ACSBG2: variants seen among roughly 807,000 people sequenced by gnomAD.
The protein encoded by ACSBG2 is acyl-CoA synthetase bubblegum family member 2.
ACSBG2 carries 62 observed loss-of-function variants against 74.7 expected under a neutral mutation model. The ratio of observed to expected loss-of-function variants is 0.83; its 90% CI spans 0.68 to 1.03. ACSBG2 has a LOEUF of 1.03. ACSBG2 is among the 50% of genes least tolerant of loss of function. The pLI, the probability that ACSBG2 is intolerant of heterozygous loss-of-function variation, is 0.00. For missense variants in ACSBG2, 730 were observed against 817.6 expected (o/e 0.89, Z 1.31); for synonymous variants, 309 against 294.1 (o/e 1.05, Z -0.52).
chr19:6,147,218 T>C (rs140285506), intron 2 of ACSBG2, among the ~76,000 whole-genome samples: 2 of 152,270 alleles, frequency 1.3e-5, no homozygotes, highest in African/African-American at 4.8e-5. Context: ...TAAGAAAGTA[T>C]TTGGTATACA....
intron 7 of ACSBG2, among the ~76,000 whole-genome samples, chr19:6,171,253 T>C (rs555179734): frequency 6.6e-6 from 1 of 152,292 alleles, no homozygotes; most frequent in South Asian, 2.1e-4. Context: ...ATGTGAGGTT[T>C]TGTTCCTGTC....
intron 11 of ACSBG2, among the ~76,000 whole-genome samples, chr19:6,186,069 T>TG (rs994619734): frequency 2.0e-5 from 3 of 151,994 alleles, no homozygotes; most frequent in African/African-American, 7.2e-5. Context: ...TTTTTTTTTT[T>TG]TTTAACTCAA....
chr19:6,148,878 G>A (rs547422205), intron 3 of ACSBG2, among the ~76,000 whole-genome samples: 17 of 152,176 alleles, frequency 1.1e-4, no homozygotes, highest in South Asian at 2.1e-4. Flanking sequence ...CAAGGTGGGC[G>A]GATCAAGGTC....
chr19:6,166,105 G>A, intron 7 of ACSBG2, 90 bp downstream of exon 7: 15 of 1,520,110 alleles, frequency 9.9e-6, no homozygotes, highest in Non-Finnish European at 1.3e-5. Flanking sequence ...CCAGGGTCTA[G>A]TACGCAGTGT....
chr19:6,139,654 TC>T (rs1386676610), intron 1 of ACSBG2, among the ~76,000 whole-genome samples: 1 of 152,182 alleles, frequency 6.6e-6, no homozygotes, highest in Non-Finnish European at 1.5e-5. Context: ...CGTACAATTT[TC>T]CTCCCTGAAA....
intron 7 of ACSBG2, among the ~76,000 whole-genome samples, chr19:6,168,503 G>A (rs142656070): frequency 6.6e-6 from 1 of 152,272 alleles, no homozygotes; most frequent in East Asian, 1.9e-4. Context: ...TGAGGTCAGG[G>A]GTTTTCTGTC....
chr19:6,161,376 A>C, intron 6 of ACSBG2, 81 bp downstream of exon 6: 1 of 1,375,952 alleles, frequency 7.3e-7, no homozygotes, highest in East Asian at 2.3e-5. Flanking sequence ...GTGGAAGGTG[A>C]GCAGAGGGAG....
intron 7 of ACSBG2, among the ~76,000 whole-genome samples, chr19:6,171,305 TAG>T (rs1316308424): frequency 4.6e-5 from 7 of 152,182 alleles, no homozygotes; most frequent in African/African-American, 1.7e-4. Context: ...AGTTGCTTTA[TAG>T]GGTCTGTGGG....
chr19:6,191,390 T>A (rs1292929296), intron 14 of ACSBG2: 2 of 152,238 alleles, frequency 1.3e-5, no homozygotes, highest in East Asian at 3.8e-4. Context: ...GGGGCTACAT[T>A]ACAAAGTACC....
rs777766952 is a variant in ACSBG2, at chr19:6,187,839, G to C, written c.1921G>C (p.Glu641Gln). ...GAAGGACTTTTCCATCTATGGTGGAGAGCTAGGTGAGTGGCCATGACATTT... is the reference window on the plus strand; with the variant it reads ...GAAGGACTTTTCCATCTATGGTGGACAGCTAGGTGAGTGGCCATGACATTT... ...LEKDFSIYGG[E>Q]LGPMMKLKRH... Residue 641 changes from glutamate to glutamine, a missense_variant, in exon 13 of 15, where the codon GAG (glutamate) becomes CAG (glutamine). By Grantham distance (29) the Glu-to-Gln change is conservative. Coordinates refer to ENST00000588485, the MANE Select transcript of ACSBG2 (RefSeq NM_030924.5). 1.9e-6 allele frequency: 3 copies of C among 1,614,032 alleles called. No individual in the cohort carries two copies. The highest frequency in any genetic ancestry group is 4.5e-5 in the East Asian group (2 of 44,870).
At chr19:6,178,119 G>A (rs2090140119) in intron 8 of ACSBG2, among the ~76,000 whole-genome samples, 2 of 151,962 alleles carry the variant, frequency 1.3e-5, no homozygotes. Context: ...CTATTGTGGT[G>A]AGGATTTAGC....
intron 8 of ACSBG2, among the ~76,000 whole-genome samples, chr19:6,177,830 A>T (rs2090128524): frequency 6.6e-6 from 1 of 151,734 alleles, no homozygotes. Flanking sequence ...TAGATTGAAC[A>T]CTGAACAACC....
In ACSBG2 at chr19:6,183,019, G is replaced by A. The variant is rs1568252341; in HGVS notation, c.1089-20G>A. 1 of 1,613,738 alleles carries A rather than the reference G, an allele frequency of 6.2e-7. No homozygotes were observed. On this transcript the variant is annotated intron_variant, in intron 9 of 14. Transcript: ENST00000588485. ...GGGTCCCATCAGCCCTTCTCCACTT[G>A]ACGGCATTCTTATTCACAGGAAATA...
rs58730661 is a variant in ACSBG2 at position 6,190,812 on chromosome 19, T to TACACACACACACACAC, written c.*35+145_*35+160dup. ...GAAAACACACACATACACACATACA[T>TACACACACACACACAC]ACACACACACACACACACACACACA... On this transcript the variant is annotated intron_variant, in intron 14 of 14. Transcript: ENST00000588485. The TACACACACACACACAC allele has an allele frequency of 4.7e-4, 157 of 336,804 alleles. 3 individuals are homozygous for TACACACACACACACAC. The highest frequency in any genetic ancestry group is 2.0e-3 in the Middle Eastern group (2 of 984). 20.9% of individuals were successfully genotyped at this position (336,804 alleles called of 1,614,324 possible).
intron 10 of ACSBG2, among the ~76,000 whole-genome samples, chr19:6,185,079 T>C (rs2090369521): frequency 6.6e-6 from 1 of 151,910 alleles, no homozygotes. Flanking sequence ...TGTACCACCA[T>C]GCCCAACTTT....
In ACSBG2 at chr19:6,190,607, C is replaced by T; in HGVS notation, c.1951C>T (p.His651Tyr). 6.2e-7 allele frequency: 1 copy of T among 1,614,034 alleles called. No homozygotes were observed. Among genetic ancestry groups the T allele is most frequent in the South Asian group, 1.1e-5 (1 of 91,076 alleles). Residue 651 changes from histidine (H) to tyrosine (Y), a missense_variant, in exon 14 of 15, where the codon CAT (histidine) becomes TAT (tyrosine). By Grantham distance (83) the His-to-Tyr change is moderately conservative. Coordinates refer to ENST00000588485, the MANE Select transcript of ACSBG2 (RefSeq NM_030924.5). The part of the protein sequence containing the change: ...ELGPMMKLKR[H>Y]FVAQKYKKQI... The stretch of plus-strand genomic sequence containing the variant: ...AGGTCCAATGATGAAACTTAAGAGA[C>T]ATTTTGTAGCCCAGAAATACAAAAA...
Position 6,176,431 on chromosome 19 carries a change from C to G in ACSBG2, c.739-798C>G. The stretch of plus-strand genomic sequence containing the variant: ...TGAAAGTCCTTTGCCACTGCTCCTG[C>G]CATCCACGTGATCTGTAACATAAGG... On this transcript the variant is annotated intron_variant, in intron 7 of 14. Transcript: ENST00000588485. 7 of 1,431,972 alleles carry G rather than the reference C, an allele frequency of 4.9e-6. No individual in the cohort carries two copies. The South Asian group carries it at 9.2e-5, about 19-fold the overall frequency. The allele number at this position is 1,431,972 out of a possible 1,614,324, so 88.7% of individuals were successfully genotyped here.
rs267605691 is a variant in ACSBG2 at position 6,147,487 on chromosome 19, C to T, written c.109C>T (p.Leu37Phe). 1.9e-6 allele frequency: 3 copies of T among 1,614,162 alleles called. No homozygotes were observed. The highest frequency in any genetic ancestry group is 2.5e-6 in the Non-Finnish European group (3 of 1,180,004). ...GACCACCTGTCGAGATGGAGAAGTC[C>T]TTCTGAGGCTATCCAAACACGGACC... The part of the protein sequence containing the change: ...LWTTCRDGEV[L>F]LRLSKHGPGH... Residue 37 changes from leucine to phenylalanine, a missense_variant, in exon 3 of 15, where the codon CTT becomes TTT. Physicochemically the swap from Leu to Phe is conservative, Grantham distance 22. Coordinates refer to ENST00000588485, the MANE Select transcript of ACSBG2 (RefSeq NM_030924.5).
Position 6,158,891 on chromosome 19 carries a change from C to A in ACSBG2, c.508-2324C>A, listed in dbSNP as rs78199136. 3.2e-3 allele frequency among the ~76,000 whole-genome samples: 481 copies of A among 152,256 alleles called. 4 individuals carry two copies. Among genetic ancestry groups the A allele is most frequent in the African/African-American group, 0.011 (466 of 41,554 alleles). On this transcript the variant is annotated intron_variant, in intron 5 of 14. Transcript: ENST00000588485. ...CTGACTTGGTTCAGGAAGGACAGAC[C>A]TCCACCTCTGGCCTAGAGCTTTTAA...
Sources: gnomAD v4.1 joint callset for allele counts (sites outside exome capture counted in the v4.1 genomes callset) on GRCh38, gnomAD v4.1.1 for gene constraint, MANE v1.5 for transcripts, NCBI Gene and HGNC (gene_info 2026-07-23, HGNC 2026-07-21) for gene names.